Variants in CSMD1 observed in about 807,000 individuals in gnomAD.
The protein encoded by CSMD1 is CUB and sushi domain-containing protein 1.
CSMD1 carries 213 observed loss-of-function variants against 417.5 expected under a neutral mutation model. That is an observed-to-expected ratio of 0.51 (90% CI 0.46 to 0.57). CSMD1 has a LOEUF of 0.57. Among genes scored for constraint, CSMD1 ranks in the 20% least tolerant of loss-of-function variants. The pLI is 0.00. For synonymous variants in CSMD1, 2,862 were observed against 1,736.8 expected (o/e 1.65, Z -16.11); for missense variants, 6,923 against 4,529.7 (o/e 1.53, Z -15.17).
chr8:3,346,823 G>A (rs910274291), intron 22 of CSMD1, among the ~76,000 whole-genome samples: 3 of 152,192 alleles, frequency 2.0e-5, no homozygotes, highest in Non-Finnish European at 2.9e-5. Flanking sequence ...GCATCATTAT[G>A]TGCATCTACG....
At chr8:3,038,701 A>T (rs1810867421) in intron 50 of CSMD1, among the ~76,000 whole-genome samples, 1 of 152,034 alleles carries the variant, frequency 6.6e-6, no homozygotes, top group African/African-American at 2.4e-5. Context: ...TGAAAAAAAA[A>T]TTCGCTTAAG....
chr8:3,684,462 T>C (rs1799835854), intron 7 of CSMD1, among the ~76,000 whole-genome samples: 1 of 150,974 alleles, frequency 6.6e-6, no homozygotes, highest in East Asian at 1.9e-4. Flanking sequence ...TTTATTTAGA[T>C]ATAGGTTTTG....
intron 3 of CSMD1, among the ~76,000 whole-genome samples, chr8:4,251,343 A>G (rs1204174232): frequency 1.3e-5 from 2 of 152,194 alleles, no homozygotes; most frequent in Non-Finnish European, 2.9e-5. Flanking sequence ...CATTTAATAA[A>G]ATGTAATTTA....
At chr8:4,556,518 T>C (rs923389524) in intron 2 of CSMD1, among the ~76,000 whole-genome samples, 1 of 152,100 alleles carries the variant, frequency 6.6e-6, no homozygotes, top group Admixed American at 6.6e-5. Flanking sequence ...AATCGAATTA[T>C]CTCTCAACCT....
At position 3,935,441 on chromosome 8, in the gene CSMD1, C is replaced by T. The variant is rs563199292; in HGVS notation, c.818+62462G>A. On this transcript the variant is annotated intron_variant, in intron 5 of 69. Coordinates refer to ENST00000635120, the MANE Select transcript of CSMD1 (RefSeq NM_033225.6). ...CTGGGTTTTTGAAAAATTGAAGTTTCCTGGCAACCCGACATTAAACAGGTC... is the reference window on the plus strand; with the variant it reads ...CTGGGTTTTTGAAAAATTGAAGTTTTCTGGCAACCCGACATTAAACAGGTC... 1.2e-4 allele frequency among the ~76,000 whole-genome samples: 19 copies of T among 152,244 alleles called. No homozygotes were observed. In the South Asian group the frequency reaches 3.7e-3, roughly 30 times the overall value.
At chr8:3,512,840 C>T (rs969451540) in intron 10 of CSMD1, among the ~76,000 whole-genome samples, 1 of 151,934 alleles carries the variant, frequency 6.6e-6, no homozygotes, top group Non-Finnish European at 1.5e-5. Flanking sequence ...TCTTCATCCG[C>T]CCACCTCGGC....
At chr8:3,130,613 A>G (rs935836973) in intron 41 of CSMD1, among the ~76,000 whole-genome samples, 5 of 152,122 alleles carry the variant, frequency 3.3e-5, no homozygotes, top group African/African-American at 1.2e-4. Context: ...CTCCCAGTGC[A>G]CCAGCCTTGT....
intron 3 of CSMD1, among the ~76,000 whole-genome samples, chr8:4,057,381 TTTG>T (rs1406376047): frequency 6.7e-6 from 1 of 148,424 alleles, no homozygotes; most frequent in African/African-American, 2.4e-5. Context: ...GATGGGGTTA[TTTG>T]TTTTTTTCTT....
intron 12 of CSMD1, among the ~76,000 whole-genome samples, chr8:3,461,994 G>A (rs1252678774): frequency 6.6e-6 from 1 of 152,132 alleles, no homozygotes; most frequent in African/African-American, 2.4e-5. Flanking sequence ...TGTTACACGT[G>A]TTCCTAGGAA....
At chr8:4,638,186 T>C (rs1283295194) in intron 1 of CSMD1, among the ~76,000 whole-genome samples, 1 of 152,156 alleles carries the variant, frequency 6.6e-6, no homozygotes, top group Non-Finnish European at 1.5e-5. Flanking sequence ...ACAAATTTGG[T>C]GCTATCTACA....
intron 12 of CSMD1, among the ~76,000 whole-genome samples, chr8:3,468,056 C>A (rs952023474): frequency 2.0e-5 from 3 of 152,150 alleles, no homozygotes; most frequent in Non-Finnish European, 4.4e-5. Flanking sequence ...ATTTTAAAAA[C>A]TATTTCAAAG....
intron 7 of CSMD1, among the ~76,000 whole-genome samples, chr8:3,648,846 G>T (rs771568657): frequency 1.3e-5 from 2 of 152,172 alleles, no homozygotes; most frequent in African/African-American, 4.8e-5. Flanking sequence ...CTTATGTTAT[G>T]TTGTTACCAA....
chr8:4,893,290 A>T (rs951725673), intron 1 of CSMD1, among the ~76,000 whole-genome samples: 8 of 152,086 alleles, frequency 5.3e-5, no homozygotes, highest in South Asian at 2.1e-4. Context: ...CTTGAACTAG[A>T]AGCTCCTTAT....
At chr8:2,950,417 G>T (rs1802550879) in intron 66 of CSMD1, 74 bp from the exon 67 acceptor site, 1 of 861,222 alleles carries the variant, frequency 1.2e-6, no homozygotes, top group Non-Finnish European at 2.0e-6. Context: ...ATTTGATGTG[G>T]AATGTGGTAC....
chr8:3,878,445 T>G (rs889209581), intron 5 of CSMD1, among the ~76,000 whole-genome samples: 2 of 152,188 alleles, frequency 1.3e-5, no homozygotes, highest in Non-Finnish European at 2.9e-5. Flanking sequence ...AGTCTTGCCT[T>G]TCCAGTGTAA....
chr8:2,962,666 A>C (rs1026168800), intron 60 of CSMD1, 27 bp from the exon 61 acceptor site: 1 of 1,606,442 alleles, frequency 6.2e-7, no homozygotes, highest in African/African-American at 1.3e-5. Flanking sequence ...GGAAGAAGTC[A>C]GCCTTCAACG....
intron 2 of CSMD1, among the ~76,000 whole-genome samples, chr8:4,453,983 G>T (rs191966054): frequency 6.6e-6 from 1 of 151,496 alleles, no homozygotes; most frequent in African/African-American, 2.4e-5. Flanking sequence ...CACCGCGCCC[G>T]GCTAATTTTT....
At chr8:3,553,040 G>A (rs908244162) in intron 10 of CSMD1, among the ~76,000 whole-genome samples, 5 of 150,846 alleles carry the variant, frequency 3.3e-5, no homozygotes, top group African/African-American at 4.9e-5. Flanking sequence ...GAAGAATACT[G>A]AAGAGTTCAA....
intron 1 of CSMD1, among the ~76,000 whole-genome samples, chr8:4,912,304 C>G (rs529268017): frequency 2.0e-5 from 3 of 151,458 alleles, no homozygotes; most frequent in Non-Finnish European, 2.9e-5. Context: ...TGGACAGAAA[C>G]AGAATCTAAT....
Sources: allele counts gnomAD v4.1 joint callset (sites outside exome capture counted in the v4.1 genomes callset), GRCh38; gene constraint gnomAD v4.1.1; transcripts MANE v1.5; gene names NCBI Gene and HGNC (gene_info 2026-07-23, HGNC 2026-07-21).